The following BCAP29 variants were observed in gnomAD, a reference collection of about 807,000 sequenced individuals.
BCAP29 encodes B-cell receptor-associated protein 29.
BCAP29 carries 34 observed loss-of-function variants against 31.8 expected under a neutral mutation model. That is an observed-to-expected ratio of 1.07 (90% CI 0.81 to 1.42). BCAP29 has a LOEUF of 1.42. Among genes scored for constraint, BCAP29 ranks in the 40% most tolerant of loss-of-function variants. BCAP29 has a pLI of 0.00. For synonymous variants in BCAP29, 104 were observed against 91.3 expected (o/e 1.14, Z -0.79); for missense variants, 314 against 269.2 (o/e 1.17, Z -1.16).
rs1814796254 is a variant in BCAP29 at position 107,620,102 on chromosome 7, T to C, written c.*1739T>C. On this transcript the variant is annotated 3_prime_UTR_variant, in exon 8 of 8. Transcript: ENST00000005259. ...ATTTGAAAGATTCCCAAAAAAGCAT[T>C]TTAAAGTTTACATTTAAGGGACCTT... 6.6e-6 allele frequency: 1 copy of C among 152,192 alleles called. No individual in the cohort carries two copies. The highest frequency in any genetic ancestry group is 1.5e-5 in the Non-Finnish European group (1 of 68,042). The allele number at this position is 152,192 out of a possible 1,614,324, so 9.4% of individuals were successfully genotyped here.
At chr7:107,599,714 A>G (rs1810799691) in intron 5 of BCAP29, among the ~76,000 whole-genome samples, 1 of 152,010 alleles carries the variant, frequency 6.6e-6, no homozygotes. Flanking sequence ...AGATGATTAA[A>G]TTTTTACTCC....
intron 3 of BCAP29, among the ~76,000 whole-genome samples, chr7:107,592,442 G>T (rs1193819839): frequency 6.6e-6 from 1 of 152,210 alleles, no homozygotes; most frequent in Non-Finnish European, 1.5e-5. Flanking sequence ...AACAAGTGTT[G>T]CTGAGGATAT....
Position 107,619,431 on chromosome 7 carries a change from A to AT in BCAP29, c.*1069dup, listed in dbSNP as rs1814713656. On this transcript the variant is annotated 3_prime_UTR_variant, in exon 8 of 8. Transcript: ENST00000005259. ...TTCCTTGTCTCATGAAAACCTAAAT[A>AT]TAAAAAAAAGGAAAATACTGGAGTT... 6.6e-6 allele frequency: 1 copy of AT among 152,180 alleles called. No homozygotes were observed. Among genetic ancestry groups the AT allele is most frequent in the Admixed American group, 6.5e-5 (1 of 15,270 alleles). 9.4% of individuals were successfully genotyped at this position (152,180 alleles called of 1,614,324 possible).
chr7:107,605,958 A>C (rs1179386476), intron 6 of BCAP29, among the ~76,000 whole-genome samples: 1 of 152,248 alleles, frequency 6.6e-6, no homozygotes, highest in East Asian at 1.9e-4. Context: ...TTTTTCCTAG[A>C]GTTTAAATTA....
At chr7:107,590,783 C>T (rs1275261654) in intron 3 of BCAP29, among the ~76,000 whole-genome samples, 1 of 149,470 alleles carries the variant, frequency 6.7e-6, no homozygotes, top group Non-Finnish European at 1.5e-5. Flanking sequence ...CACATCACTG[C>T]ACTCCAGCCT....
chr7:107,608,887 ATTCATTCT>A (rs1295576830), intron 6 of BCAP29, among the ~76,000 whole-genome samples: 2 of 152,188 alleles, frequency 1.3e-5, no homozygotes, highest in Admixed American at 1.3e-4. Flanking sequence ...CTTTTCATTT[ATTCATTCT>A]TTCATTCCTT....
chr7:107,621,556 A>C, downstream of BCAP29: 1 of 374,546 alleles, frequency 2.7e-6, no homozygotes, highest in East Asian at 7.3e-5. Context: ...GATTAAGTTA[A>C]AGTCTTGAGA....
chr7:107,612,677 A>G (rs1211852845), intron 6 of BCAP29, among the ~76,000 whole-genome samples: 1 of 151,940 alleles, frequency 6.6e-6, no homozygotes, highest in African/African-American at 2.4e-5. Context: ...GGGCCTCTGG[A>G]TGCCCTGAGA....
intron 6 of BCAP29, among the ~76,000 whole-genome samples, chr7:107,608,484 T>G (rs7803102): frequency 0.73 from 110,818 of 151,238 alleles, 40,640 homozygotes; most frequent in South Asian, 0.84. Flanking sequence ...GTTTGTTTGT[T>G]TGTTTCATTT....
At chr7:107,609,184 G>T (rs1343473514) in intron 6 of BCAP29, among the ~76,000 whole-genome samples, 1 of 152,220 alleles carries the variant, frequency 6.6e-6, no homozygotes, top group African/African-American at 2.4e-5. Context: ...AACCAAAGGA[G>T]TATGGCACTT....
At chr7:107,615,551 G>A (rs751492730) in intron 7 of BCAP29, 1 of 294,160 alleles carries the variant, frequency 3.4e-6, no homozygotes, top group South Asian at 3.3e-5. Flanking sequence ...AGCCGAGATC[G>A]CGCTTTTGCA....
chr7:107,613,482 A>T, intron 7 of BCAP29, 50 bp downstream of exon 7: 1 of 1,416,104 alleles, frequency 7.1e-7, no homozygotes, highest in Non-Finnish European at 9.9e-7. Flanking sequence ...AATAGTAATT[A>T]CCTAAGTAAA....
At position 107,602,000 on chromosome 7, in the gene BCAP29, A is replaced by G. The variant is rs371762065; in HGVS notation, c.589+1495A>G. ...AGTTTTAACTCTTTAAATCTGGCAT[A>G]AAACTTAACTTAGTATTACATGAGC... On this transcript the variant is annotated intron_variant, in intron 6 of 7. Transcript: ENST00000005259. Among the ~76,000 whole-genome samples, 33 of 152,334 alleles carry G rather than the reference A, an allele frequency of 2.2e-4. No individual in the cohort carries two copies. The East Asian group carries it at 6.0e-3, about 28-fold the overall frequency.
intron 3 of BCAP29, among the ~76,000 whole-genome samples, 158 bp from the exon 4 acceptor site, chr7:107,593,797 A>G (rs1321695570): frequency 6.6e-6 from 1 of 152,208 alleles, no homozygotes; most frequent in Non-Finnish European, 1.5e-5. Context: ...TTGAGCATGA[A>G]AAGTTCCCGG....
chr7:107,591,456 C>A (rs1189526975), intron 3 of BCAP29, among the ~76,000 whole-genome samples: 2 of 152,086 alleles, frequency 1.3e-5, no homozygotes, highest in Non-Finnish European at 2.9e-5. Flanking sequence ...ATTTTGACCG[C>A]AGGTTGCCTT....
intron 3 of BCAP29, among the ~76,000 whole-genome samples, chr7:107,590,388 A>T (rs1315120489): frequency 6.6e-6 from 1 of 152,210 alleles, no homozygotes; most frequent in Non-Finnish European, 1.5e-5. Flanking sequence ...AGGCAAGGAT[A>T]TTTACACTCT....
chr7:107,600,202 A>G, intron 5 of BCAP29, 195 bp from the exon 6 acceptor site: 1 of 611,668 alleles, frequency 1.6e-6, no homozygotes, highest in South Asian at 1.7e-5. Flanking sequence ...ATAATAGGAA[A>G]TCTTTTTTGT....
chr7:107,593,869 G>T, intron 3 of BCAP29, 86 bp from the exon 4 acceptor site: 1 of 1,347,850 alleles, frequency 7.4e-7, no homozygotes, highest in Non-Finnish European at 1.0e-6. Context: ...TAAAAGTTTG[G>T]TCAGTTTTTC....
chr7:107,600,359 T>A, intron 5 of BCAP29, 38 bp from the exon 6 acceptor site: 1 of 1,265,862 alleles, frequency 7.9e-7, no homozygotes. Flanking sequence ...GCTATTGCAA[T>A]CTAAGCTTAT....
Sources: allele counts gnomAD v4.1 joint callset (sites outside exome capture counted in the v4.1 genomes callset), GRCh38; gene constraint gnomAD v4.1.1; transcripts MANE v1.5; gene names NCBI Gene and HGNC (gene_info 2026-07-23, HGNC 2026-07-21).